INPP4B: variants seen among roughly 807,000 people sequenced by gnomAD.
The protein encoded by INPP4B is inositol polyphosphate 4-phosphatase type II.
Under a neutral mutation model 122.5 loss-of-function variants are expected in INPP4B, and 55 were observed. The ratio of observed to expected loss-of-function variants is 0.45; its 90% CI spans 0.36 to 0.56. The LOEUF is 0.56. Ranked by LOEUF, INPP4B falls within the 20% of genes least tolerant of loss-of-function variation. The pLI is 0.00. For missense variants in INPP4B, 1,000 were observed against 1,097.7 expected (o/e 0.91, Z 1.26); for synonymous variants, 403 against 388.7 (o/e 1.04, Z -0.43).
At chr4:142,245,762 GTATATGTGTGTATATA>G (rs1252559139) in intron 11 of INPP4B, among the ~76,000 whole-genome samples, 1 of 150,030 alleles carries the variant, frequency 6.7e-6, no homozygotes, top group Non-Finnish European at 1.5e-5. Flanking sequence ...TCATATATAT[GTATATGTGTGTATATA>G]TATATGTGTG....
At chr4:142,042,625 C>T (rs2322309) in intron 25 of INPP4B, among the ~76,000 whole-genome samples, 135,200 of 151,704 alleles carry the variant, frequency 0.89, 60,714 homozygotes, top group East Asian at 0.99. Flanking sequence ...TGCAGTGATG[C>T]GATCTCAGCT....
rs1213250427 is a variant in INPP4B, at chr4:142,685,231, T to G, written c.-191+40608A>C. ...CTGCCAACAGAGTTCTATACTTGCCTGAGACAGGCAAATATATAGTATTTT... is the reference window on the plus strand; with the variant it reads ...CTGCCAACAGAGTTCTATACTTGCCGGAGACAGGCAAATATATAGTATTTT... On this transcript the variant is annotated intron_variant, in intron 2 of 25. Transcript: ENST00000262992. Among the ~76,000 whole-genome samples, 3 of 152,030 alleles carry G rather than the reference T, an allele frequency of 2.0e-5. No individual in the cohort carries two copies. In the East Asian group the frequency reaches 5.8e-4, roughly 30 times the overall value.
chr4:142,180,248 A>C (rs1210822080), intron 15 of INPP4B, among the ~76,000 whole-genome samples: 2 of 152,268 alleles, frequency 1.3e-5, no homozygotes, highest in South Asian at 2.1e-4. Flanking sequence ...TACTATAATA[A>C]ATTTCTTTTA....
chr4:142,242,798 G>A (rs181969178), intron 11 of INPP4B, among the ~76,000 whole-genome samples: 114 of 152,106 alleles, frequency 7.5e-4, no homozygotes, highest in East Asian at 1.9e-3. Context: ...TCACATCCCC[G>A]TCTCTATCTT....
chr4:142,637,682 A>G (rs1420974850), intron 2 of INPP4B, among the ~76,000 whole-genome samples: 2 of 152,208 alleles, frequency 1.3e-5, no homozygotes, highest in African/African-American at 2.4e-5. Flanking sequence ...TTTTGTGTGA[A>G]CATAAGTTTT....
intron 1 of INPP4B, among the ~76,000 whole-genome samples, chr4:142,728,649 G>T (rs1765652856): frequency 1.3e-5 from 2 of 152,116 alleles, no homozygotes; most frequent in Non-Finnish European, 2.9e-5. Context: ...CATATGACAA[G>T]ACAGGCAGAG....
At chr4:142,111,900 C>T (rs1352343093) in intron 22 of INPP4B, among the ~76,000 whole-genome samples, 4 of 151,432 alleles carry the variant, frequency 2.6e-5, no homozygotes, top group South Asian at 2.1e-4. Flanking sequence ...ATCACCACCA[C>T]GCCTGGCTAA....
intron 2 of INPP4B, among the ~76,000 whole-genome samples, chr4:142,587,187 G>T (rs1264723688): frequency 6.6e-6 from 1 of 152,022 alleles, no homozygotes; most frequent in Non-Finnish European, 1.5e-5. Flanking sequence ...ATCCTGTAAT[G>T]GCCAGTGGGC....
intron 2 of INPP4B, among the ~76,000 whole-genome samples, chr4:142,670,880 T>C (rs1309481619): frequency 2.0e-5 from 3 of 152,170 alleles, no homozygotes; most frequent in Non-Finnish European, 4.4e-5. Context: ...CAAATATGTA[T>C]ATACTTCAAA....
intron 21 of INPP4B, among the ~76,000 whole-genome samples, chr4:142,119,383 C>T (rs1795411037): frequency 6.6e-6 from 1 of 152,072 alleles, no homozygotes; most frequent in Non-Finnish European, 1.5e-5. Flanking sequence ...ATAGCAAAGA[C>T]TTGGAACCAA....
intron 2 of INPP4B, among the ~76,000 whole-genome samples, chr4:142,600,581 A>G (rs796194364): frequency 6.6e-6 from 1 of 152,176 alleles, no homozygotes; most frequent in South Asian, 2.1e-4. Flanking sequence ...GACTCAAATG[A>G]TAGTTACTAC....
intron 17 of INPP4B, among the ~76,000 whole-genome samples, chr4:142,150,305 C>G (rs554995395): frequency 2.6e-5 from 4 of 152,156 alleles, no homozygotes; most frequent in Non-Finnish European, 5.9e-5. Flanking sequence ...TGTGGTGCTT[C>G]CAGCCCCTCC....
At chr4:142,120,318 C>T (rs1437579944) in intron 21 of INPP4B, among the ~76,000 whole-genome samples, 2 of 151,914 alleles carry the variant, frequency 1.3e-5, no homozygotes, top group African/African-American at 4.8e-5. Flanking sequence ...ATGTCTGGGT[C>T]CTTTGCATTT....
chr4:142,695,019 A>T lies in INPP4B; in HGVS notation c.-191+30820T>A, dbSNP rs1377010743. Among the ~76,000 whole-genome samples, 3 of 152,134 alleles carry T rather than the reference A, an allele frequency of 2.0e-5. No homozygotes were observed. The East Asian group carries it at 5.8e-4, about 29-fold the overall frequency. ...TAGGGGTATTATTCTGCACCTATAA[A>T]GTCAAGGATATTTGCACAAATAGCA... is the stretch of plus-strand genomic sequence containing the variant. On this transcript the variant is annotated intron_variant, in intron 2 of 25. Transcript: ENST00000262992.
At chr4:142,367,186 ATATGTGTGTGTGTGTGTG>A (rs1787837799) in intron 7 of INPP4B, among the ~76,000 whole-genome samples, 1 of 106,416 alleles carries the variant, frequency 9.4e-6, no homozygotes, top group South Asian at 3.1e-4. Flanking sequence ...TATACATGTA[ATATGTGTGTGTGTGTGTG>A]TGTGTGTGTG....
intron 11 of INPP4B, among the ~76,000 whole-genome samples, chr4:142,257,543 C>T (rs1736953782): frequency 6.6e-6 from 1 of 152,052 alleles, no homozygotes; most frequent in African/African-American, 2.4e-5. Flanking sequence ...AAATCACAAG[C>T]ATTCTTATAC....
chr4:142,194,676 G>T (rs755889874), intron 14 of INPP4B, among the ~76,000 whole-genome samples: 2 of 152,114 alleles, frequency 1.3e-5, no homozygotes, highest in African/African-American at 2.4e-5. Context: ...GGGACTTCTG[G>T]CTTCTAACTC....
chr4:142,151,404 C>T lies in INPP4B; in HGVS notation c.1564-5408G>A, dbSNP rs185435909. Reference sequence around the variant, plus strand: ...TCTTTGCTTCCTATTGGTCCTCCTGCTTTAACTTCACCTATTTCCTTATGT... The same window carrying T: ...TCTTTGCTTCCTATTGGTCCTCCTGTTTTAACTTCACCTATTTCCTTATGT... On this transcript the variant is annotated intron_variant, in intron 17 of 25. Coordinates refer to ENST00000262992, the MANE Select transcript of INPP4B (RefSeq NM_001101669.3). 4.7e-3 allele frequency among the ~76,000 whole-genome samples: 711 copies of T among 152,300 alleles called. 6 individuals are homozygous for T. The highest frequency in any genetic ancestry group is 5.0e-3 in the Non-Finnish European group (337 of 68,012).
At chr4:142,122,302 G>T in intron 20 of INPP4B, 57 bp from the exon 21 acceptor site, 2 of 1,206,216 alleles carry the variant, frequency 1.7e-6, no homozygotes, top group African/African-American at 1.5e-5. Flanking sequence ...AATGTCACTA[G>T]CTACTATGCC....
Sources: gnomAD v4.1 joint callset for allele counts (sites outside exome capture counted in the v4.1 genomes callset) on GRCh38, gnomAD v4.1.1 for gene constraint, MANE v1.5 for transcripts, NCBI Gene and HGNC (gene_info 2026-07-23, HGNC 2026-07-21) for gene names.